PKIB: variants seen among roughly 807,000 people sequenced by gnomAD.
PKIB encodes cAMP-dependent protein kinase inhibitor beta.
In PKIB, 2 loss-of-function variants were observed where a neutral mutation model predicts 4.5. The observed-to-expected ratio is 0.44, with a 90% CI of 0.18 to 1.39. The LOEUF (loss-of-function observed/expected upper bound fraction) is 1.39, where lower values mean the gene tolerates loss of function less well. Ranked by LOEUF, PKIB falls within the 40% of genes most tolerant of loss-of-function variation. The probability of loss-of-function intolerance (pLI) is 0.27; values close to 1 mark genes in which losing one functional copy is unlikely to be tolerated. For synonymous variants in PKIB, 38 were observed against 36.0 expected (o/e 1.06, Z -0.20); for missense variants, 94 against 92.6 (o/e 1.02, Z -0.06).
chr6:122,634,139 A>T (rs1485625087), intron 2 of PKIB, among the ~76,000 whole-genome samples: 1 of 152,036 alleles, frequency 6.6e-6, no homozygotes, highest in South Asian at 2.1e-4. Flanking sequence ...GTTCTCACTC[A>T]TAAGTAGGGA....
At chr6:122,627,347 T>C (rs754977376) in intron 1 of PKIB, among the ~76,000 whole-genome samples, 4 of 152,204 alleles carry the variant, frequency 2.6e-5, no homozygotes, top group East Asian at 1.9e-4. Context: ...TTCTACACTT[T>C]TGTTGGCTTG....
chr6:122,647,386 G>C (rs879583360), intron 2 of PKIB, among the ~76,000 whole-genome samples: 2 of 152,216 alleles, frequency 1.3e-5, no homozygotes, highest in Non-Finnish European at 2.9e-5. Flanking sequence ...CTATAGACTA[G>C]TCAGGTTGAC....
intron 2 of PKIB, among the ~76,000 whole-genome samples, chr6:122,564,419 T>A (rs1372556010): frequency 6.6e-6 from 1 of 152,224 alleles, no homozygotes; most frequent in Non-Finnish European, 1.5e-5. Flanking sequence ...TTACTCTATG[T>A]ACCTCTAGTA....
intron 3 of PKIB, among the ~76,000 whole-genome samples, chr6:122,696,894 A>G (rs1778596942): frequency 6.6e-6 from 1 of 152,208 alleles, no homozygotes; most frequent in African/African-American, 2.4e-5. Flanking sequence ...GAGAGAAAGG[A>G]ACATGCTATT....
intron 3 of PKIB, among the ~76,000 whole-genome samples, chr6:122,700,328 C>T (rs1582825096): frequency 7.0e-6 from 1 of 142,750 alleles, no homozygotes; most frequent in Non-Finnish European, 1.5e-5. Context: ...GTGGGATCCT[C>T]TTTACCCTGA....
In PKIB at chr6:122,540,904, C is replaced by T. The variant is rs545780177; in HGVS notation, c.-247-45017C>T. The stretch of plus-strand genomic sequence containing the variant: ...TATATATTTAGGATAGTTAGCTCTT[C>T]TTGTTGAATTGATCCCTTTACCATT... On this transcript the variant is annotated intron_variant, in intron 2 of 6. Transcript: ENST00000392491. 7.9e-5 allele frequency among the ~76,000 whole-genome samples: 12 copies of T among 151,264 alleles called. No individual in the cohort carries two copies. In the South Asian group the frequency reaches 2.5e-3, roughly 32 times the overall value.
At chr6:122,720,724 G>A (rs1316799712) in intron 4 of PKIB, among the ~76,000 whole-genome samples, 2 of 150,994 alleles carry the variant, frequency 1.3e-5, no homozygotes, top group Admixed American at 6.6e-5. Context: ...TTTTTGAGAC[G>A]GAGTTTCACT....
rs1212264022 is a variant in PKIB at position 122,701,458 on chromosome 6, A to G, written c.-8-16329A>G. ...TTTACAGGCTGAAGCTTCAGAGATC[A>G]CCTGCCAAACACAGGCTGAACCTGA... On this transcript the variant is annotated intron_variant, in intron 3 of 4. Coordinates refer to ENST00000368452, the MANE Select transcript of PKIB (RefSeq NM_181795.3). 5 of 1,587,468 alleles carry G rather than the reference A, an allele frequency of 3.1e-6. No individual in the cohort carries two copies. In the African/African-American group the frequency reaches 5.4e-5, roughly 17 times the overall value.
chr6:122,474,134 A>AAAACAAAC (rs1005739827), intron 1 of PKIB, among the ~76,000 whole-genome samples: 2 of 152,242 alleles, frequency 1.3e-5, no homozygotes, highest in Non-Finnish European at 2.9e-5. Flanking sequence ...ACTCTGTCTC[A>AAAACAAAC]AAACAAACAA....
chr6:122,668,853 A>G (rs992267375), intron 2 of PKIB, among the ~76,000 whole-genome samples: 5 of 152,228 alleles, frequency 3.3e-5, no homozygotes, highest in Non-Finnish European at 7.3e-5. Flanking sequence ...TTAAATCACC[A>G]TATCTTCCAA....
chr6:122,530,445 G>A (rs1244779247), intron 2 of PKIB, among the ~76,000 whole-genome samples: 4 of 151,992 alleles, frequency 2.6e-5, no homozygotes, highest in Non-Finnish European at 5.9e-5. Context: ...TTTAGGATTA[G>A]TTTCTGGAGT....
chr6:122,645,178 A>G (rs1479654721), intron 2 of PKIB, among the ~76,000 whole-genome samples: 1 of 152,232 alleles, frequency 6.6e-6, no homozygotes, highest in Non-Finnish European at 1.5e-5. Flanking sequence ...GTTATCATAC[A>G]CACATAACTC....
chr6:122,495,998 C>G (rs1364583756), intron 2 of PKIB, among the ~76,000 whole-genome samples: 1 of 152,152 alleles, frequency 6.6e-6, no homozygotes, highest in Non-Finnish European at 1.5e-5. Context: ...TATTCATAGG[C>G]AAGCTTGGGG....
chr6:122,690,874 G>C (rs1396935114), intron 3 of PKIB, among the ~76,000 whole-genome samples: 1 of 146,320 alleles, frequency 6.8e-6, no homozygotes, highest in South Asian at 2.1e-4. Flanking sequence ...TTCAGCTTTT[G>C]TTTGTCTGGA....
At chr6:122,707,830 G>A (rs1779122561) in intron 3 of PKIB, among the ~76,000 whole-genome samples, 1 of 152,140 alleles carries the variant, frequency 6.6e-6, no homozygotes, top group Admixed American at 6.6e-5. Context: ...AATTCTGGCA[G>A]GTTATGCACC....
intron 3 of PKIB, among the ~76,000 whole-genome samples, chr6:122,710,540 G>A (rs1779232978): frequency 6.6e-6 from 1 of 152,268 alleles, no homozygotes; most frequent in East Asian, 1.9e-4. Context: ...TGAGAAATGG[G>A]TGGTCTGAGG....
At chr6:122,655,315 A>G (rs965253037) in intron 2 of PKIB, among the ~76,000 whole-genome samples, 1 of 152,240 alleles carries the variant, frequency 6.6e-6, no homozygotes, top group Non-Finnish European at 1.5e-5. Flanking sequence ...TTGAAATCAT[A>G]AATACCAAGG....
At chr6:122,553,045 T>C (rs1279779573) in intron 2 of PKIB, among the ~76,000 whole-genome samples, 2 of 152,164 alleles carry the variant, frequency 1.3e-5, no homozygotes, top group Non-Finnish European at 2.9e-5. Flanking sequence ...AATTCTTTAT[T>C]ATAAACTCTC....
chr6:122,603,001 G>C (rs557594323), intron 3 of PKIB, among the ~76,000 whole-genome samples: 1 of 150,294 alleles, frequency 6.7e-6, no homozygotes, highest in East Asian at 2.0e-4. Context: ...TACATTTTAG[G>C]TTCCTAAGCA....
Sources: gnomAD v4.1 joint callset for allele counts (sites outside exome capture counted in the v4.1 genomes callset) on GRCh38, gnomAD v4.1.1 for gene constraint, MANE v1.5 for transcripts, NCBI Gene and HGNC (gene_info 2026-07-23, HGNC 2026-07-21) for gene names.